The following ZNF410 variants were observed in gnomAD, a reference collection of about 807,000 sequenced individuals.
ZNF410 encodes zinc finger protein 410.
ZNF410 carries 18 observed loss-of-function variants against 54.8 expected under a neutral mutation model. The ratio of observed to expected loss-of-function variants is 0.33; its 90% confidence interval spans 0.23 to 0.49. ZNF410 has a LOEUF of 0.49. Among genes scored for constraint, ZNF410 ranks in the 20% least tolerant of loss-of-function variants. The probability of loss-of-function intolerance (pLI) is 0.99; values close to 1 mark genes in which losing one functional copy is unlikely to be tolerated. For synonymous variants in ZNF410, 191 were observed against 207.3 expected, an observed-to-expected ratio of 0.92 and a Z score of 0.68; for missense variants, 405 against 569.6, an observed-to-expected ratio of 0.71 and a Z score of 2.94.
chr14:73,921,502 G>T (rs1350422950), intron 9 of ZNF410, among the ~76,000 whole-genome samples: 1 of 152,104 alleles, frequency 6.6e-6, no homozygotes, highest in African/African-American at 2.4e-5. Context: ...TTTTTAGATG[G>T]AGTCTTGCTT....
chr14:73,919,357 C>G (rs1485766876), intron 8 of ZNF410, among the ~76,000 whole-genome samples: 1 of 151,830 alleles, frequency 6.6e-6, no homozygotes, highest in Non-Finnish European at 1.5e-5. Context: ...GGGTATATTC[C>G]AAGATGCTGA....
In ZNF410 at chr14:73,896,380, T is replaced by A; in HGVS notation, c.234T>A (p.Leu78=). 2 of 1,614,136 alleles carry A rather than the reference T, an allele frequency of 1.2e-6. No individual in the cohort carries two copies. Among genetic ancestry groups the A allele is most frequent in the Non-Finnish European group, 8.5e-7 (1 of 1,180,026 alleles). Residue 78 remains leucine, a synonymous_variant, in exon 4 of 12, where the codon CTT becomes CTA. Transcript: ENST00000555044. ...CTTCCTCAGCTGTTTTGAGAAGCCT[T>A]CGGGTGAATGTGGGTCCAGACGGAG... ...EVPSSAVLRS[L]RVNVGPDGEE...
intron 5 of ZNF410, among the ~76,000 whole-genome samples, chr14:73,901,766 A>C (rs1172611839): frequency 6.6e-6 from 1 of 151,356 alleles, no homozygotes; most frequent in African/African-American, 2.4e-5. Context: ...CTCTACAAAA[A>C]AAAAATAGAA....
chr14:73,912,230 C>T (rs148697227), intron 8 of ZNF410, among the ~76,000 whole-genome samples: 3,081 of 148,598 alleles, frequency 0.021, 30 homozygotes, highest in Non-Finnish European at 0.024. Flanking sequence ...AGTGCAGTGG[C>T]GTGATCTTGG....
At position 73,931,677 on chromosome 14, in the gene ZNF410, C is replaced by T. The variant is rs2055918209; in HGVS notation, c.*136C>T. The T allele has an allele frequency of 1.3e-6, 1 of 751,300 alleles. No homozygotes were observed. Among genetic ancestry groups the T allele is most frequent in the African/African-American group, 1.8e-5 (1 of 55,866 alleles). 46.5% of individuals were successfully genotyped at this position (751,300 alleles called of 1,614,324 possible). A position where few individuals can be genotyped will look rare whatever the true frequency, so the allele number is the denominator to read the frequency against. ...AGACTCTGCTTTTGCCACTCTTCCT[C>T]TTTCCTGGTATAGAAGATGGATGTA... On this transcript the variant is annotated 3_prime_UTR_variant, in exon 12 of 12. Coordinates refer to ENST00000555044, the MANE Select transcript of ZNF410 (RefSeq NM_021188.3).
At chr14:73,922,023 G>A (rs1473042461) in intron 9 of ZNF410, 43 bp from the exon 10 acceptor site, 2 of 1,607,690 alleles carry the variant, frequency 1.2e-6, no homozygotes, top group Non-Finnish European at 1.7e-6. Context: ...ACCAGGCACA[G>A]CCTTGATTGC....
At chr14:73,915,145 C>G (rs1233650946) in intron 8 of ZNF410, among the ~76,000 whole-genome samples, 1 of 150,002 alleles carries the variant, frequency 6.7e-6, no homozygotes, top group Non-Finnish European at 1.5e-5. Flanking sequence ...GACTGTAATC[C>G]CAGCTATTCA....
At chr14:73,898,512 A>C in intron 5 of ZNF410, 1 of 551,442 alleles carries the variant, frequency 1.8e-6, no homozygotes, top group Non-Finnish European at 3.2e-6. Context: ...AGAAAAAATA[A>C]TATACATCCT....
rs145526089 is a variant in ZNF410 at position 73,901,209 on chromosome 14, A to G, written c.581-2751A>G. On this transcript the variant is annotated intron_variant, in intron 5 of 11. Coordinates refer to ENST00000555044, the MANE Select transcript of ZNF410 (RefSeq NM_021188.3). ...TTTATAATTAAAGTTTTATGGGAACATAGGCATCCACATTACTTACAAATT... is the reference window on the plus strand; with the variant it reads ...TTTATAATTAAAGTTTTATGGGAACGTAGGCATCCACATTACTTACAAATT... Among the ~76,000 whole-genome samples the G allele has an allele frequency of 5.9e-3, 895 of 152,354 alleles. 4 individuals are homozygous for G. Among genetic ancestry groups the G allele is most frequent in the African/African-American group, 0.021 (863 of 41,592 alleles).
At chr14:73,921,153 A>G in intron 9 of ZNF410, 48 bp downstream of exon 9, 1 of 1,605,704 alleles carries the variant, frequency 6.2e-7, no homozygotes, top group Non-Finnish European at 8.5e-7. Flanking sequence ...CTAGGGTTCC[A>G]AGAGCCAAAT....
intron 5 of ZNF410, among the ~76,000 whole-genome samples, chr14:73,902,847 ACTCCT>A (rs1279445928): frequency 1.3e-5 from 2 of 152,072 alleles, no homozygotes; most frequent in Admixed American, 6.6e-5. Flanking sequence ...GGCACTTTGT[ACTCCT>A]CTCCTCACCT....
chr14:73,892,804 G>C (rs78221015), intron 2 of ZNF410, among the ~76,000 whole-genome samples: 305 of 152,226 alleles, frequency 2.0e-3, no homozygotes, highest in African/African-American at 7.1e-3. Flanking sequence ...CTTAAGTTTG[G>C]GTGCGGTGGC....
At chr14:73,894,419 C>T (rs915500557) in intron 3 of ZNF410, 5 of 678,936 alleles carry the variant, frequency 7.4e-6, no homozygotes, top group Non-Finnish European at 1.3e-5. Flanking sequence ...AGTATACATA[C>T]TTGCTTTTTT....
At chr14:73,926,198 CTATAA>C (rs1442097835) in intron 11 of ZNF410, among the ~76,000 whole-genome samples, 7 of 152,236 alleles carry the variant, frequency 4.6e-5, no homozygotes, top group African/African-American at 1.4e-4. Context: ...ATATTAAAAA[CTATAA>C]TATCTTTACC....
intron 1 of ZNF410, among the ~76,000 whole-genome samples, chr14:73,890,012 G>C (rs2055203210): frequency 6.6e-6 from 1 of 151,980 alleles, no homozygotes; most frequent in Admixed American, 6.6e-5. Flanking sequence ...GGCCAGGATG[G>C]TCTCAATCTC....
chr14:73,900,369 C>G (rs1324840060), intron 5 of ZNF410, among the ~76,000 whole-genome samples: 1 of 150,402 alleles, frequency 6.6e-6, no homozygotes, highest in Non-Finnish European at 1.5e-5. Context: ...TATACATACA[C>G]ATTTTAATTT....
intron 1 of ZNF410, among the ~76,000 whole-genome samples, chr14:73,891,172 A>G (rs1027622087): frequency 6.6e-6 from 1 of 152,182 alleles, no homozygotes; most frequent in Admixed American, 6.6e-5. Flanking sequence ...TTGAGAAAAG[A>G]AAATTAAGTC....
At chr14:73,887,365 AC>A (rs1238284751) in intron 1 of ZNF410, 1 of 152,040 alleles carries the variant, frequency 6.6e-6, no homozygotes. Flanking sequence ...CATACCACTT[AC>A]TTTCTGGGTT....
chr14:73,899,949 A>C (rs571376521), intron 5 of ZNF410, among the ~76,000 whole-genome samples: 1 of 152,200 alleles, frequency 6.6e-6, no homozygotes, highest in South Asian at 2.1e-4. Context: ...TAATCCCTGC[A>C]CTTTGGGAGG....
Sources: allele counts gnomAD v4.1 joint callset (sites outside exome capture counted in the v4.1 genomes callset), GRCh38; gene constraint gnomAD v4.1.1; transcripts MANE v1.5; gene names NCBI Gene and HGNC (gene_info 2026-07-23, HGNC 2026-07-21).